ATP1A2: variants seen among roughly 807,000 people sequenced by gnomAD.
ATP1A2 encodes sodium/potassium-transporting ATPase subunit alpha-2.
In ATP1A2, 56 loss-of-function variants were observed where a neutral mutation model predicts 113.1. The ratio of observed to expected loss-of-function variants is 0.49; its 90% CI spans 0.40 to 0.62. The LOEUF is 0.62. Ranked by LOEUF, ATP1A2 falls within the 20% of genes least tolerant of loss-of-function variation. The probability of loss-of-function intolerance (pLI) is 0.00; values close to 1 mark genes in which losing one functional copy is unlikely to be tolerated. For missense variants in ATP1A2, 712 were observed against 1,357.8 expected (o/e 0.52, Z 7.47); for synonymous variants, 490 against 526.8 (o/e 0.93, Z 0.96).
At chr1:160,119,218 T>A (rs1405811398) in intron 1 of ATP1A2, among the ~76,000 whole-genome samples, 1 of 65,242 alleles carries the variant, frequency 1.5e-5, no homozygotes, top group African/African-American at 7.3e-5. Context: ...GTATATTTTT[T>A]AAAATGCAAA....
rs1459616574 is a variant in ATP1A2, at chr1:160,128,802, T to C, written c.1168T>C (p.Trp390Arg). 6.2e-7 allele frequency: 1 copy of C among 1,613,984 alleles called. No individual in the cohort carries two copies. Among genetic ancestry groups the C allele is most frequent in the Non-Finnish European group, 8.5e-7 (1 of 1,180,012 alleles). The change falls in exon 9 of 23, where the codon TGG (tryptophan) becomes CGG (arginine). Residue 390 changes from tryptophan (W) to arginine (R), a missense_variant. By Grantham distance (101) the Trp-to-Arg change is moderately radical. This residue lies in a region of ATP1A2 where 44 missense variants were observed against 153.1 expected (regional missense o/e 0.29). Transcript: ENST00000361216. ...TQNRMTVAHM[W>R]FDNQIHEADT... ...GAACCGCATGACCGTCGCCCACATG[T>C]GGTTCGACAACCAAATCCATGAGGC... is the stretch of plus-strand genomic sequence containing the variant.
intron 22 of ATP1A2, 88 bp downstream of exon 22, chr1:160,140,072 A>G: frequency 1.5e-6 from 2 of 1,327,096 alleles, no homozygotes; most frequent in Middle Eastern, 1.9e-4. Context: ...CACTCCCACT[A>G]CTGGTTCCTG....
Position 160,135,852 on chromosome 1 carries a change from T to C in ATP1A2, c.2298T>C (p.Phe766=). 6.2e-7 allele frequency: 1 copy of C among 1,614,096 alleles called. No homozygotes were observed. Among genetic ancestry groups the C allele is most frequent in the Non-Finnish European group, 8.5e-7 (1 of 1,180,014 alleles). Residue 766 remains phenylalanine, a synonymous_variant, in exon 17 of 23, where the codon TTT becomes TTC. Transcript: ENST00000361216. The surrounding 1 kb of genome is among the most constrained non-coding windows in gnomAD (Gnocchi z 6.3). Reference sequence around the variant, plus strand: ...ATCTCCCCACAGGCCGCCTGATCTTTGACAACTTGAAGAAATCCATCGCCT... The same window carrying C: ...ATCTCCCCACAGGCCGCCTGATCTTCGACAACTTGAAGAAATCCATCGCCT... ...VTGVEEGRLI[F]DNLKKSIAYT...
intron 1 of ATP1A2, among the ~76,000 whole-genome samples, chr1:160,118,202 C>A (rs1449364356): frequency 6.6e-6 from 1 of 152,220 alleles, no homozygotes; most frequent in Admixed American, 6.5e-5. Flanking sequence ...CATGGACCAG[C>A]AAGTTTTTAA....
chr1:160,134,928 T>C (rs1363555687), intron 14 of ATP1A2, among the ~76,000 whole-genome samples: 3 of 152,168 alleles, frequency 2.0e-5, no homozygotes, highest in African/African-American at 7.2e-5. Context: ...CCTAGCAAAC[T>C]GCACTTACAA....
At chr1:160,120,761 C>G in intron 1 of ATP1A2, 145 bp from the exon 2 acceptor site, 1 of 780,304 alleles carries the variant, frequency 1.3e-6, no homozygotes, top group Admixed American at 2.4e-5. Flanking sequence ...TAGGGTCCCT[C>G]ACCCTCCATC....
rs79875494 is a variant in ATP1A2, at chr1:160,141,223, C to T, written c.3035-71C>T. On this transcript the variant is annotated intron_variant, in intron 22 of 22. Coordinates refer to ENST00000361216, the MANE Select transcript of ATP1A2 (RefSeq NM_000702.4). ...TTCCACCTGGCTTCAGCGACCCAAG[C>T]CCCTAGGAAATTGATCTCTTGCCTC... 380 of 1,594,630 alleles carry T rather than the reference C, an allele frequency of 2.4e-4. 3 individuals are homozygous for T. In the East Asian group the frequency reaches 7.6e-3, roughly 32 times the overall value.
intron 9 of ATP1A2, 33 bp downstream of exon 9, chr1:160,128,883 T>A (rs1438102348): frequency 1.9e-6 from 3 of 1,613,090 alleles, no homozygotes; most frequent in East Asian, 2.2e-5. Flanking sequence ...GTGGATAGGA[T>A]TAGAGGAGGC....
chr1:160,116,015 A>G, intron 1 of ATP1A2, 142 bp downstream of exon 1: 1 of 1,374,582 alleles, frequency 7.3e-7, no homozygotes, highest in Non-Finnish European at 1.0e-6. Flanking sequence ...ACAGTCTCCA[A>G]ACTACCAATG....
chr1:160,136,159 A>G (rs1033047607), intron 17 of ATP1A2, 88 bp from the exon 18 acceptor site: 20 of 1,604,594 alleles, frequency 1.2e-5, no homozygotes, highest in Non-Finnish European at 1.4e-5. Context: ...AACTGTGTCA[A>G]CGATCGTCAC....
Position 160,142,046 on chromosome 1 carries a change from C to T in ATP1A2, c.*724C>T, listed in dbSNP as rs1432086555. The T allele has an allele frequency of 6.5e-6, 1 of 153,746 alleles. No homozygotes were observed. The highest frequency in any genetic ancestry group is 2.4e-5 in the African/African-American group (1 of 41,446). 9.5% of individuals were successfully genotyped at this position (153,746 alleles called of 1,614,324 possible). ...CTACGTCCCACATTTTAGAATACCC[C>T]ACCAGCAGAACAAACTCAGATCTCA... On this transcript the variant is annotated 3_prime_UTR_variant, in exon 23 of 23. Coordinates refer to ENST00000361216, the MANE Select transcript of ATP1A2 (RefSeq NM_000702.4).
rs889352949 is a variant in ATP1A2 at position 160,135,648 on chromosome 1, C to T, written c.2284+46C>T. The stretch of plus-strand genomic sequence containing the variant: ...GGGATGGTTTGCAGGATACTGAAGC[C>T]GGCACCTCTGTTCCCTGTCCCTTTA... On this transcript the variant is annotated intron_variant, in intron 16 of 22. Transcript: ENST00000361216. This position sits in a 1 kb window ranked among gnomAD's most constrained non-coding sequence, Gnocchi z 6.3. 71 of 1,612,334 alleles carry T rather than the reference C, an allele frequency of 4.4e-5. No homozygotes were observed. Among genetic ancestry groups the T allele is most frequent in the Non-Finnish European group, 5.3e-5 (63 of 1,179,968 alleles).
At chr1:160,116,106 C>G (rs1040066263) in intron 1 of ATP1A2, among the ~76,000 whole-genome samples, 2 of 151,866 alleles carry the variant, frequency 1.3e-5, no homozygotes, top group Non-Finnish European at 2.9e-5. Flanking sequence ...CACAGTTAGA[C>G]CCACAGCCCA....
Position 160,136,886 on chromosome 1 carries a change from C to A in ATP1A2, c.2710-15C>A. ...CTCCGACACTCTCATCTGTCTCTGC[C>A]CACCCTCCCTCCAGACCTATGAGCA... On this transcript the variant is annotated splice_polypyrimidine_tract_variant and intron_variant, in intron 19 of 22. Coordinates refer to ENST00000361216, the MANE Select transcript of ATP1A2 (RefSeq NM_000702.4). 1.2e-6 allele frequency: 2 copies of A among 1,614,198 alleles called. No homozygotes were observed. The highest frequency in any genetic ancestry group is 1.7e-6 in the Non-Finnish European group (2 of 1,180,032).
intron 13 of ATP1A2, among the ~76,000 whole-genome samples, chr1:160,130,815 T>C (rs572847564): frequency 1.4e-4 from 21 of 152,266 alleles, no homozygotes; most frequent in African/African-American, 5.1e-4. Flanking sequence ...ATGCCCCTCC[T>C]CTCCCTCCCT....
In ATP1A2 at chr1:160,121,226, GCAAATAC is replaced by G; in HGVS notation, c.156_162del (p.Tyr53TrpfsTer115). 6.2e-7 allele frequency: 1 copy of G among 1,614,222 alleles called. No individual in the cohort carries two copies. Among genetic ancestry groups the G allele is most frequent in the Non-Finnish European group, 8.5e-7 (1 of 1,180,032 alleles). On this transcript the variant is annotated frameshift_variant, in exon 3 of 23. Transcript: ENST00000361216. LOFTEE classifies it high-confidence loss of function. ...AAGCTGTCCTTGGATGAGCTGGGCCGCAAATACCAAGTGGACCTGTCCAAGGTGAGTG... is the reference window on the plus strand; with the variant it reads ...AAGCTGTCCTTGGATGAGCTGGGCCGCAAGTGGACCTGTCCAAGGTGAGTG...
At position 160,125,337 on chromosome 1, in the gene ATP1A2, T is replaced by A. The variant is rs7548116; in HGVS notation, c.748+84T>A. On this transcript the variant is annotated intron_variant, in intron 7 of 22. Coordinates refer to ENST00000361216, the MANE Select transcript of ATP1A2 (RefSeq NM_000702.4). ...ATGAAGGGCTCTGGTAGTACTTACC[T>A]GGCAAAAGCTCTGCCATTGGTGGGG... is the stretch of plus-strand genomic sequence containing the variant. 0.64 allele frequency: 821,523 copies of A among 1,292,430 alleles called. 264,136 individuals carry two copies. The highest frequency in any genetic ancestry group is 0.75 in the South Asian group (62,954 of 83,544). The allele number at this position is 1,292,430 out of a possible 1,614,324, so 80.1% of individuals were successfully genotyped here. A position where few individuals can be genotyped will look rare whatever the true frequency, so the allele number is the denominator to read the frequency against.
At chr1:160,131,452 A>G (rs548069978) in intron 13 of ATP1A2, among the ~76,000 whole-genome samples, 1 of 152,272 alleles carries the variant, frequency 6.6e-6, no homozygotes, top group Admixed American at 6.5e-5. Context: ...ATACCAGGAG[A>G]CTTGTTTCTG....
At chr1:160,136,486 G>C in intron 18 of ATP1A2, 84 bp from the exon 19 acceptor site, 2 of 1,612,984 alleles carry the variant, frequency 1.2e-6, no homozygotes, top group South Asian at 2.2e-5. Context: ...AAGGGTCAGG[G>C]ACCTCCATCT....
Sources: allele counts gnomAD v4.1 joint callset (sites outside exome capture counted in the v4.1 genomes callset), GRCh38; gene constraint gnomAD v4.1.1; regional missense constraint gnomAD v4.1.1; non-coding constraint Gnocchi (gnomAD v3.1); transcripts MANE v1.5; gene names NCBI Gene and HGNC (gene_info 2026-07-23, HGNC 2026-07-21).